ITPR3: variants seen among roughly 807,000 people sequenced by gnomAD.
The protein encoded by ITPR3 is inositol 1,4,5-trisphosphate receptor type 3.
Under a neutral mutation model 293.2 loss-of-function variants are expected in ITPR3, and 173 were observed. The ratio of observed to expected loss-of-function variants is 0.59; its 90% CI spans 0.52 to 0.67. The LOEUF (loss-of-function observed/expected upper bound fraction) is 0.67. Among genes scored for constraint, ITPR3 ranks in the 30% least tolerant of loss-of-function variants. The pLI is 0.00. For missense variants in ITPR3, 2,796 were observed against 3,592.1 expected, an observed-to-expected ratio of 0.78 and a Z score of 5.66; for synonymous variants, 1,295 against 1,444.4, an observed-to-expected ratio of 0.90 and a Z score of 2.35.
rs1445287663 is a variant in ITPR3, at chr6:33,687,279, G to C, written c.6129G>C (p.Glu2043Asp). The change falls in exon 45 of 58, where the codon GAG becomes GAC. Residue 2043 changes from glutamate to aspartate, a missense_variant. Coordinates refer to ENST00000605930, the MANE Select transcript of ITPR3 (RefSeq NM_002224.4). This position sits in a 1 kb window ranked among gnomAD's most constrained non-coding sequence, Gnocchi z 5.3. ...YLQEEERENS[E>D]VSPREVGHNI... Reference sequence around the variant, plus strand: ...AGGAGGAAGAGCGTGAGAACTCGGAGGTGAGCCCACGTGAAGTGGGCCATA... The same window carrying C: ...AGGAGGAAGAGCGTGAGAACTCGGACGTGAGCCCACGTGAAGTGGGCCATA... 3 of 1,613,484 alleles carry C rather than the reference G, an allele frequency of 1.9e-6. No homozygotes were observed. Among genetic ancestry groups the C allele is most frequent in the Non-Finnish European group, 2.5e-6 (3 of 1,179,734 alleles).
chr6:33,621,561 C>T lies in ITPR3; in HGVS notation c.-42C>T. ...TCCGCACTGAGCTTGGCCACGCGCC[C>T]CTAGGCGCCCCCCACGCCCTGGGCC... is the stretch of plus-strand genomic sequence containing the variant. On this transcript the variant is annotated 5_prime_UTR_variant, in exon 1 of 58. Coordinates refer to ENST00000605930, the MANE Select transcript of ITPR3 (RefSeq NM_002224.4). The surrounding 1 kb of genome is among the most constrained non-coding windows in gnomAD (Gnocchi z 7.7). 1.3e-6 allele frequency: 2 copies of T among 1,495,682 alleles called. No individual in the cohort carries two copies. Among genetic ancestry groups the T allele is most frequent in the East Asian group, 2.4e-5 (1 of 41,540 alleles). The allele number at this position is 1,495,682 out of a possible 1,614,324, so 92.7% of individuals were successfully genotyped here.
chr6:33,675,739 C>T lies in ITPR3; in HGVS notation c.3165C>T (p.Phe1055=). The change falls in exon 25 of 58, where the codon TTC becomes TTT. Residue 1055 remains phenylalanine, a synonymous_variant. Transcript: ENST00000605930. The surrounding 1 kb of genome is among the most constrained non-coding windows in gnomAD (Gnocchi z 5.0). ...TGGATGACGAGGGCGGCCGCATGTT[C>T]CTGCGCGTGCTCATCCACCTCACCA... ...LEVDDEGGRM[F]LRVLIHLTMH... is the part of the protein sequence containing the mutation. The T allele has an allele frequency of 6.2e-7, 1 of 1,612,834 alleles. No homozygotes were observed. The highest frequency in any genetic ancestry group is 2.2e-5 in the East Asian group (1 of 44,802).
Position 33,666,174 on chromosome 6 carries a change from C to G in ITPR3, c.1551+198C>G, listed in dbSNP as rs1167806373. Among the ~76,000 whole-genome samples, 1 of 152,160 alleles carries G rather than the reference C, an allele frequency of 6.6e-6. No individual in the cohort carries two copies. The highest frequency in any genetic ancestry group is 2.4e-5 in the African/African-American group (1 of 41,426). ...CTGGAGGAGGCGCCGTGATTCTTAC[C>G]CCGTTTTACTGGTGAGGAAGCTGAA... is the stretch of plus-strand genomic sequence containing the variant. On this transcript the variant is annotated intron_variant, in intron 14 of 57. Coordinates refer to ENST00000605930, the MANE Select transcript of ITPR3 (RefSeq NM_002224.4). This position sits in a 1 kb window ranked among gnomAD's most constrained non-coding sequence, Gnocchi z 5.1.
At chr6:33,635,180 A>G (rs1025600438) in intron 1 of ITPR3, among the ~76,000 whole-genome samples, 26 of 152,234 alleles carry the variant, frequency 1.7e-4, no homozygotes, top group African/African-American at 6.0e-4. Context: ...GGCTCTGAGC[A>G]GTTCCTGCTT....
chr6:33,665,234 G>A, intron 13 of ITPR3, 21 bp downstream of exon 13: 2 of 1,605,640 alleles, frequency 1.2e-6, no homozygotes, highest in Non-Finnish European at 1.7e-6. Context: ...GTGGCACAGG[G>A]GTTTTCTGAG....
intron 1 of ITPR3, among the ~76,000 whole-genome samples, chr6:33,628,598 G>A (rs148396288): frequency 2.0e-5 from 3 of 152,228 alleles, no homozygotes; most frequent in Non-Finnish European, 2.9e-5. Context: ...TGAGTCCAGG[G>A]TGTGGGCTGG....
rs1042197383 is a variant in ITPR3 at position 33,638,101 on chromosome 6, G to A, written c.90-2383G>A. 4.6e-5 allele frequency among the ~76,000 whole-genome samples: 7 copies of A among 152,164 alleles called. No individual in the cohort carries two copies. Among genetic ancestry groups the A allele is most frequent in the Non-Finnish European group, 8.8e-5 (6 of 68,038 alleles). On this transcript the variant is annotated intron_variant, in intron 1 of 57. Coordinates refer to ENST00000605930, the MANE Select transcript of ITPR3 (RefSeq NM_002224.4). The surrounding 1 kb of genome is among the most constrained non-coding windows in gnomAD (Gnocchi z 4.3). ...GCTCACCACAACCTCTGCCTCCTGG[G>A]TTCAAGCGATTCTTCTGCCTCAGCT...
At chr6:33,680,518 G>A in intron 32 of ITPR3, 37 bp from the exon 33 acceptor site, 1 of 1,610,884 alleles carries the variant, frequency 6.2e-7, no homozygotes, top group Non-Finnish European at 8.5e-7. Context: ...GGGGCCCCAT[G>A]TGAGGAGCCC....
intron 2 of ITPR3, among the ~76,000 whole-genome samples, chr6:33,640,861 G>A (rs1378798918): frequency 6.6e-6 from 1 of 152,272 alleles, no homozygotes; most frequent in Non-Finnish European, 1.5e-5. Context: ...TGTGTGACTG[G>A]ATGTTTTCTG....
In ITPR3 at chr6:33,688,666, G is replaced by C. The variant is rs147409470; in HGVS notation, c.6579G>C (p.Leu2193=). 8.1e-6 allele frequency: 13 copies of C among 1,614,168 alleles called. No homozygotes were observed. The highest frequency in any genetic ancestry group is 1.0e-5 in the Non-Finnish European group (12 of 1,180,014). Residue 2193 remains leucine, a synonymous_variant, in exon 49 of 58, where the codon CTG becomes CTC. Transcript: ENST00000605930. The stretch of plus-strand genomic sequence containing the variant: ...TGCCCTCCTCTTCAGGCATGCCGCT[G>C]ATCTACTGGTTCTCCCGCCGCATGA... ...EWQRKLRSMP[L]IYWFSRRMTL...
intron 8 of ITPR3, 64 bp downstream of exon 8, chr6:33,662,738 C>G: frequency 1.9e-6 from 3 of 1,585,446 alleles, no homozygotes. Flanking sequence ...CCCTCTTCCC[C>G]ACCATCCTGG....
Position 33,655,832 on chromosome 6 carries a change from A to G in ITPR3, c.227A>G (p.Gln76Arg), listed in dbSNP as rs761766269. Residue 76 changes from glutamine to arginine, a missense_variant, in exon 3 of 58, where the codon CAG (glutamine) becomes CGG (arginine). Physicochemically the swap from Gln to Arg is conservative, Grantham distance 43. Transcript: ENST00000605930. This position sits in a 1 kb window ranked among gnomAD's most constrained non-coding sequence, Gnocchi z 4.9. ...CAGAAGCAGTACTGGAAGGCCAAGC[A>G]GACTAAGCAGGACAAGGAGAAGATC... is the stretch of plus-strand genomic sequence containing the variant. The part of the protein sequence containing the change: ...SAQKQYWKAK[Q>R]TKQDKEKIAD... The G allele has an allele frequency of 6.2e-7, 1 of 1,614,140 alleles. No homozygotes were observed. The highest frequency in any genetic ancestry group is 1.1e-5 in the South Asian group (1 of 91,088).
In ITPR3 at chr6:33,688,606, G is replaced by A. The variant is rs373180858; in HGVS notation, c.6569-50G>A. ...GCGGGGCCCCACATGCAAGGGGCAG[G>A]GGGTGCTCACCAGGGCCCTCCAGCA... is the stretch of plus-strand genomic sequence containing the variant. On this transcript the variant is annotated intron_variant, in intron 48 of 57. Coordinates refer to ENST00000605930, the MANE Select transcript of ITPR3 (RefSeq NM_002224.4). The A allele has an allele frequency of 3.7e-6, 6 of 1,609,718 alleles. No individual in the cohort carries two copies. The African/African-American group carries it at 8.0e-5, about 22-fold the overall frequency.
Position 33,680,607 on chromosome 6 carries a change from T to A in ITPR3, c.4403T>A (p.Val1468Glu). ...GCTGACCCCACCTTGGAGAAGTACG[T>A]GCTGAGCGTTGTGCTGGACACCATC... ...RVADPTLEKY[V>E]LSVVLDTINA... The change falls in exon 33 of 58, where the codon GTG becomes GAG. Residue 1468 changes from valine (V) to glutamate (E), a missense_variant. Physicochemically the swap from Val to Glu is moderately radical, Grantham distance 121 (BLOSUM62 -2). This residue lies in a region of ITPR3 where 344 missense variants were observed against 460.3 expected (regional missense o/e 0.75). Coordinates refer to ENST00000605930, the MANE Select transcript of ITPR3 (RefSeq NM_002224.4). 2 of 1,614,144 alleles carry A rather than the reference T, an allele frequency of 1.2e-6. No homozygotes were observed. Among genetic ancestry groups the A allele is most frequent in the Non-Finnish European group, 1.7e-6 (2 of 1,180,008 alleles).
chr6:33,630,305 C>T (rs771437986), intron 1 of ITPR3, among the ~76,000 whole-genome samples: 1 of 152,176 alleles, frequency 6.6e-6, no homozygotes, highest in Non-Finnish European at 1.5e-5. Context: ...CCAGAGAGCT[C>T]TGCGGAGGTT....
intron 50 of ITPR3, among the ~76,000 whole-genome samples, 184 bp from the exon 51 acceptor site, chr6:33,689,850 T>C (rs1765342018): frequency 6.6e-6 from 1 of 152,214 alleles, no homozygotes; most frequent in Non-Finnish European, 1.5e-5. Flanking sequence ...CTCACTGTCT[T>C]CCTGGAACTG....
chr6:33,656,691 C>T (rs376377631), intron 3 of ITPR3, among the ~76,000 whole-genome samples: 6 of 151,760 alleles, frequency 4.0e-5, no homozygotes, highest in African/African-American at 1.5e-4. Context: ...GGGGTCCCAA[C>T]CCCGTTCCCC....
chr6:33,668,746 C>A, intron 17 of ITPR3, 112 bp downstream of exon 17: 1 of 1,497,954 alleles, frequency 6.7e-7, no homozygotes, highest in Non-Finnish European at 9.1e-7. Flanking sequence ...TTGCTCTCTG[C>A]AGCTGTGAAC....
At chr6:33,637,808 T>C (rs928088406) in intron 1 of ITPR3, among the ~76,000 whole-genome samples, 15 of 146,696 alleles carry the variant, frequency 1.0e-4, no homozygotes, top group African/African-American at 3.3e-4. Flanking sequence ...ATTTTTTCTT[T>C]CTTTCTTTTT....
Sources: gnomAD v4.1 joint callset for allele counts (sites outside exome capture counted in the v4.1 genomes callset) on GRCh38, gnomAD v4.1.1 for gene constraint, gnomAD v4.1.1 regional missense constraint, Gnocchi (gnomAD v3.1) non-coding constraint, MANE v1.5 for transcripts, NCBI Gene and HGNC (gene_info 2026-07-23, HGNC 2026-07-21) for gene names.